LGALS12: variants seen among roughly 807,000 people sequenced by gnomAD.
The protein encoded by LGALS12 is galectin 12, also known as galectin-12.
In LGALS12, 36 loss-of-function variants were observed where a neutral mutation model predicts 36.8. That is an observed-to-expected ratio of 0.98 (90% CI 0.75 to 1.29). The LOEUF (loss-of-function observed/expected upper bound fraction) is 1.29, where lower values mean the gene tolerates loss of function less well. Among genes scored for constraint, LGALS12 ranks in the 50% most tolerant of loss-of-function variants. The probability of loss-of-function intolerance (pLI) is 0.00; values close to 1 mark genes in which losing one functional copy is unlikely to be tolerated. For missense variants in LGALS12, 366 were observed against 394.3 expected (o/e 0.93, Z 0.61); for synonymous variants, 145 against 155.9 (o/e 0.93, Z 0.52).
chr11:63,509,491 C>T (rs946976847), intron 3 of LGALS12, among the ~76,000 whole-genome samples: 10 of 152,248 alleles, frequency 6.6e-5, no homozygotes, highest in South Asian at 6.2e-4. Flanking sequence ...AGTTTCCTCA[C>T]GTAAATGGAG....
At chr11:63,507,781 C>G (rs945281154) in intron 1 of LGALS12, among the ~76,000 whole-genome samples, 3 of 125,756 alleles carry the variant, frequency 2.4e-5, no homozygotes, top group Admixed American at 9.8e-5. Flanking sequence ...TTCGCCCAGG[C>G]TGAAGTACAG....
chr11:63,512,412 G>C (rs538637950), intron 7 of LGALS12, among the ~76,000 whole-genome samples: 1 of 152,306 alleles, frequency 6.6e-6, no homozygotes, highest in Admixed American at 6.5e-5. Context: ...AGAATGCCTG[G>C]GTTGGCATGT....
At position 63,506,242 on chromosome 11, in the gene LGALS12, T is replaced by C; in HGVS notation, c.-217T>C. 1.3e-6 allele frequency: 1 copy of C among 773,282 alleles called. No individual in the cohort carries two copies. The highest frequency in any genetic ancestry group is 1.8e-5 in the South Asian group (1 of 56,038). 47.9% of individuals were successfully genotyped at this position (773,282 alleles called of 1,614,324 possible). A position where few individuals can be genotyped will look rare whatever the true frequency, so the allele number is the denominator to read the frequency against. On this transcript the variant is annotated 5_prime_UTR_variant, in exon 1 of 9. Transcript: ENST00000394618. ...CCCCCGCCCAGCCAGAGCTCTGCTG[T>C]ATACCACCGGGAGTGGGGCTGGTGT... is the stretch of plus-strand genomic sequence containing the variant.
chr11:63,511,786 T>C lies in LGALS12; in HGVS notation c.593T>C (p.Leu198Pro). ...VPCSHALPQG[L>P]SPGQVIIVRG... ...TGCTCACATGCTCTTCCCCAGGGTC[T>C]CTCGCCTGGGCAGGTCATCATAGTA... Residue 198 changes from leucine (L) to proline (P), a missense_variant, in exon 7 of 9, where the codon CTC becomes CCC. Physicochemically the swap from Leu to Pro is moderately conservative, Grantham distance 98. Transcript: ENST00000394618. 1.2e-6 allele frequency: 2 copies of C among 1,613,802 alleles called. No individual in the cohort carries two copies.
At chr11:63,515,267 G>A (rs1449651308) in intron 7 of LGALS12, among the ~76,000 whole-genome samples, 2 of 152,174 alleles carry the variant, frequency 1.3e-5, no homozygotes, top group Non-Finnish European at 2.9e-5. Context: ...TTTTCAGGAG[G>A]AGAAACTGAA....
Position 63,506,470 on chromosome 11 carries a change from A to AG in LGALS12, c.13dup (p.Glu5GlyfsTer8). On this transcript the variant is annotated frameshift_variant, in exon 1 of 9. Coordinates refer to ENST00000394618, the MANE Select transcript of LGALS12 (RefSeq NM_033101.4). LOFTEE classifies it high-confidence loss of function. ...GTTGCCCCACTGTCATGTCACCTGG[A>AG]GAAAAACTGGACCCAATTCCTGACA... The AG allele has an allele frequency of 1.2e-6, 2 of 1,614,192 alleles. No individual in the cohort carries two copies. The highest frequency in any genetic ancestry group is 1.7e-6 in the Non-Finnish European group (2 of 1,180,022).
intron 7 of LGALS12, 83 bp downstream of exon 7, chr11:63,511,923 C>G (rs922871065): frequency 3.4e-4 from 306 of 904,326 alleles, no homozygotes; most frequent in Non-Finnish European, 3.9e-4. Flanking sequence ...CTCTTTTAAT[C>G]TCCTAGCACC....
Position 63,508,892 on chromosome 11 carries a change from T to C in LGALS12, c.273T>C (p.His91=), listed in dbSNP as rs2016828776. The part of the protein sequence containing the change: ...TKPHVICNTL[H]GGRWQREARW... ...CCCATGTCATCTGCAACACCCTGCATGGTGGACGCTGGCAAAGGGAGGCCC... is the reference window on the plus strand; with the variant it reads ...CCCATGTCATCTGCAACACCCTGCACGGTGGACGCTGGCAAAGGGAGGCCC... Residue 91 remains histidine, a synonymous_variant, in exon 3 of 9, where the codon CAT becomes CAC. Coordinates refer to ENST00000394618, the MANE Select transcript of LGALS12 (RefSeq NM_033101.4). 1 of 1,614,118 alleles carries C rather than the reference T, an allele frequency of 6.2e-7. No individual in the cohort carries two copies.
chr11:63,510,173 AT>A (rs1321418624), intron 4 of LGALS12, among the ~76,000 whole-genome samples: 1 of 152,134 alleles, frequency 6.6e-6, no homozygotes, highest in Non-Finnish European at 1.5e-5. Flanking sequence ...GCCAGGAATG[AT>A]TTGGCACACT....
rs774973724 is a variant in LGALS12, at chr11:63,516,249, G to C, written c.801G>C (p.Val267=). 1 of 1,571,518 alleles carries C rather than the reference G, an allele frequency of 6.4e-7. No individual in the cohort carries two copies. Among genetic ancestry groups the C allele is most frequent in the Non-Finnish European group, 8.6e-7 (1 of 1,161,108 alleles). The change falls in exon 9 of 9, where the codon GTG becomes GTC. Residue 267 remains valine (V), a splice_region_variant and synonymous_variant. Coordinates refer to ENST00000394618, the MANE Select transcript of LGALS12 (RefSeq NM_033101.4). ...FLFYPQRFFE[V]LLLFQEGGLK... ...CCCCTCATGTCCTCCTTTCCCAGGT[G>C]CTGCTCCTGTTCCAGGAGGGAGGGC...
intron 1 of LGALS12, chr11:63,508,044 A>G: frequency 5.0e-6 from 5 of 996,516 alleles, no homozygotes; most frequent in Non-Finnish European, 6.0e-6. Context: ...CAGCCCAGGT[A>G]ACTTCTACAT....
chr11:63,516,567 G>A lies in LGALS12; in HGVS notation c.*174G>A. 1 of 712,232 alleles carries A rather than the reference G, an allele frequency of 1.4e-6. No homozygotes were observed. Among genetic ancestry groups the A allele is most frequent in the South Asian group, 1.8e-5 (1 of 54,896 alleles). 44.1% of individuals were successfully genotyped at this position (712,232 alleles called of 1,614,324 possible). On this transcript the variant is annotated 3_prime_UTR_variant, in exon 9 of 9. Transcript: ENST00000394618. ...TTTGGGCCTGAGGGAAGGCACAAGA[G>A]TGCAAAGGTTCCTCGAACTCTGCAC...
intron 1 of LGALS12, 93 bp downstream of exon 1, chr11:63,506,620 C>A: frequency 1.3e-6 from 2 of 1,513,940 alleles, no homozygotes; most frequent in East Asian, 2.3e-5. Flanking sequence ...TGGAAAGGAC[C>A]TCAGTCTTTC....
rs769017689 is a variant in LGALS12 at position 63,516,438 on chromosome 11, C to A, written c.*45C>A. ...CCGCCAGAAAACAAGAAGGTCAGCC[C>A]ACTCCCAGGGCCCCACTCTCCTCCC... is the stretch of plus-strand genomic sequence containing the variant. On this transcript the variant is annotated 3_prime_UTR_variant, in exon 9 of 9. Coordinates refer to ENST00000394618, the MANE Select transcript of LGALS12 (RefSeq NM_033101.4). The A allele has an allele frequency of 6.2e-7, 1 of 1,609,246 alleles. No individual in the cohort carries two copies.
At chr11:63,513,010 C>A (rs901754470) in intron 7 of LGALS12, among the ~76,000 whole-genome samples, 10 of 152,120 alleles carry the variant, frequency 6.6e-5, no homozygotes, top group Non-Finnish European at 1.5e-4. Context: ...CCTTGCCCTG[C>A]ACACTGCCGA....
At chr11:63,511,006 A>G in intron 5 of LGALS12, 73 bp from the exon 6 acceptor site, 13 of 1,473,816 alleles carry the variant, frequency 8.8e-6, no homozygotes, top group Non-Finnish European at 1.2e-5. Context: ...CCAATTTGTT[A>G]GAATAACAAG....
chr11:63,514,192 C>A (rs1158567642), intron 7 of LGALS12, among the ~76,000 whole-genome samples: 1 of 152,200 alleles, frequency 6.6e-6, no homozygotes, highest in East Asian at 1.9e-4. Flanking sequence ...TTTCCCCTAC[C>A]TTACCTGCCT....
rs746909215 is a variant in LGALS12, at chr11:63,516,294, G to T, written c.846G>T (p.Gly282=). 6.2e-7 allele frequency: 1 copy of T among 1,608,556 alleles called. No individual in the cohort carries two copies. The highest frequency in any genetic ancestry group is 1.7e-5 in the Admixed American group (1 of 59,318). ...GAGGGCTGAAGCTGGCGCTCAATGG[G>T]CAGGGGCTGGGGGCCACCAGCATGA... ...QEGGLKLALN[G]QGLGATSMNQ... is the part of the protein sequence containing the mutation. Residue 282 remains glycine, a synonymous_variant, in exon 9 of 9, where the codon GGG becomes GGT. Transcript: ENST00000394618.
intron 6 of LGALS12, among the ~76,000 whole-genome samples, chr11:63,511,402 C>T (rs2016916879): frequency 6.6e-6 from 1 of 152,156 alleles, no homozygotes; most frequent in African/African-American, 2.4e-5. Flanking sequence ...CTGTGCCAGG[C>T]CCGGTGCCAG....
Sources: allele counts gnomAD v4.1 joint callset (sites outside exome capture counted in the v4.1 genomes callset), GRCh38; gene constraint gnomAD v4.1.1; transcripts MANE v1.5; gene names NCBI Gene and HGNC (gene_info 2026-07-23, HGNC 2026-07-21).